EBF2: variants seen among roughly 807,000 people sequenced by gnomAD.
EBF2 encodes transcription factor COE2.
Under a neutral mutation model 72.8 loss-of-function variants are expected in EBF2, and 21 were observed. The ratio of observed to expected loss-of-function variants is 0.29; its 90% confidence interval spans 0.20 to 0.42. The LOEUF (loss-of-function observed/expected upper bound fraction) is 0.42. Ranked by LOEUF, EBF2 falls within the 10% of genes least tolerant of loss-of-function variation. EBF2 has a pLI of 1.00. For missense variants in EBF2, 637 were observed against 731.2 expected, an observed-to-expected ratio of 0.87 and a Z score of 1.49; for synonymous variants, 299 against 274.2, an observed-to-expected ratio of 1.09 and a Z score of -0.89.
At chr8:25,886,456 T>C (rs1802690871) in intron 10 of EBF2, among the ~76,000 whole-genome samples, 1 of 152,226 alleles carries the variant, frequency 6.6e-6, no homozygotes. Flanking sequence ...GTCTATTTTT[T>C]AATCTGACCA....
chr8:26,024,920 A>G (rs1280476715), intron 6 of EBF2, among the ~76,000 whole-genome samples: 1 of 152,218 alleles, frequency 6.6e-6, no homozygotes, highest in Non-Finnish European at 1.5e-5. Context: ...TCTAAGAATT[A>G]TAATATAATT....
intron 10 of EBF2, among the ~76,000 whole-genome samples, chr8:25,873,315 C>G (rs1275802954): frequency 6.6e-6 from 1 of 152,120 alleles, no homozygotes; most frequent in African/African-American, 2.4e-5. Flanking sequence ...TCTAAGACCC[C>G]TTTCAAGCTC....
At chr8:26,000,257 G>A (rs1239279513) in intron 6 of EBF2, among the ~76,000 whole-genome samples, 2 of 152,124 alleles carry the variant, frequency 1.3e-5, no homozygotes, top group Non-Finnish European at 2.9e-5. Flanking sequence ...GGGCACCACA[G>A]TTTGGCTTGC....
rs141698790 is a variant in EBF2 at position 25,888,246 on chromosome 8, C to A, written c.752-274G>T. On this transcript the variant is annotated intron_variant, in intron 8 of 15. Coordinates refer to ENST00000520164, the MANE Select transcript of EBF2 (RefSeq NM_022659.4). ...TCCTTGCATTCAAAGGGCTGGACACCCGTATTTGGTTGAAGCCTAGAATTC... is the reference window on the plus strand; with the variant it reads ...TCCTTGCATTCAAAGGGCTGGACACACGTATTTGGTTGAAGCCTAGAATTC... Among the ~76,000 whole-genome samples, 156 of 152,154 alleles carry A rather than the reference C, an allele frequency of 1.0e-3. 1 individual carries two copies. Among genetic ancestry groups the A allele is most frequent in the Middle Eastern group, 3.4e-3 (1 of 294 alleles).
intron 6 of EBF2, among the ~76,000 whole-genome samples, chr8:25,978,475 G>A (rs1332913782): frequency 6.6e-6 from 1 of 152,224 alleles, no homozygotes; most frequent in African/African-American, 2.4e-5. Flanking sequence ...GGCTGGGAGA[G>A]CGACCGAGAT....
At chr8:25,912,466 G>GCACACGCA (rs1554569535) in intron 6 of EBF2, among the ~76,000 whole-genome samples, 1 of 136,856 alleles carries the variant, frequency 7.3e-6, no homozygotes, top group Admixed American at 7.4e-5. Context: ...TCTAAAAATG[G>GCACACGCA]CACACACACA....
intron 6 of EBF2, among the ~76,000 whole-genome samples, chr8:26,029,231 A>G (rs922614649): frequency 6.6e-6 from 1 of 152,166 alleles, no homozygotes; most frequent in Non-Finnish European, 1.5e-5. Flanking sequence ...CTGCTGGGAT[A>G]TGGTCACATG....
chr8:25,862,799 T>C lies in EBF2; in HGVS notation c.1010-2A>G. ...AGTCTATGGTGGGTTCATTTAATGCTGAAAGAGAAAAGTCCTCTTTCTGAG... is the reference window on the plus strand; with the variant it reads ...AGTCTATGGTGGGTTCATTTAATGCCGAAAGAGAAAAGTCCTCTTTCTGAG... On this transcript the variant is annotated splice_acceptor_variant, in intron 10 of 15. Transcript: ENST00000520164. LOFTEE classifies it high-confidence loss of function. 1 of 1,580,380 alleles carries C rather than the reference T, an allele frequency of 6.3e-7. No homozygotes were observed. Among genetic ancestry groups the C allele is most frequent in the Non-Finnish European group, 8.6e-7 (1 of 1,162,814 alleles).
intron 6 of EBF2, among the ~76,000 whole-genome samples, chr8:26,023,045 T>G (rs894866778): frequency 1.3e-5 from 2 of 152,268 alleles, no homozygotes; most frequent in East Asian, 3.9e-4. Context: ...GTGGATAACT[T>G]CCTTCTCTCC....
At chr8:25,871,305 A>G (rs990143719) in intron 10 of EBF2, among the ~76,000 whole-genome samples, 2 of 152,186 alleles carry the variant, frequency 1.3e-5, no homozygotes, top group African/African-American at 4.8e-5. Context: ...AACTGCCATC[A>G]TCAGTGTTAA....
At chr8:25,938,973 A>T (rs1027519481) in intron 6 of EBF2, among the ~76,000 whole-genome samples, 3 of 152,096 alleles carry the variant, frequency 2.0e-5, no homozygotes, top group Admixed American at 6.5e-5. Flanking sequence ...AGCTTCCCAG[A>T]GACCTGGGAA....
intron 6 of EBF2, among the ~76,000 whole-genome samples, chr8:26,017,534 G>A (rs2117240771): frequency 6.6e-6 from 1 of 152,262 alleles, no homozygotes; most frequent in Non-Finnish European, 1.5e-5. Flanking sequence ...TTGGGTCTGA[G>A]TTCTAGGGCA....
At chr8:26,036,068 C>G (rs1805496674) in intron 5 of EBF2, among the ~76,000 whole-genome samples, 2 of 152,148 alleles carry the variant, frequency 1.3e-5, no homozygotes, top group African/African-American at 4.8e-5. Flanking sequence ...GTCAACCTAA[C>G]CCCAAATATG....
At chr8:25,901,026 T>C (rs947328293) in intron 7 of EBF2, among the ~76,000 whole-genome samples, 9 of 152,158 alleles carry the variant, frequency 5.9e-5, no homozygotes, top group African/African-American at 1.7e-4. Context: ...TGGATGACTA[T>C]GGATACCCTA....
chr8:26,041,250 A>G (rs1385633872), intron 2 of EBF2: 1 of 562,900 alleles, frequency 1.8e-6, no homozygotes, highest in East Asian at 3.0e-5. Flanking sequence ...TGTCCTCAGA[A>G]GTGTGACCCT....
At chr8:25,969,011 TA>T (rs770715767) in intron 6 of EBF2, among the ~76,000 whole-genome samples, 10 of 150,956 alleles carry the variant, frequency 6.6e-5, no homozygotes, top group Admixed American at 1.3e-4. Flanking sequence ...CTTAAAATGG[TA>T]AAAAAAAATT....
At chr8:26,040,241 T>G in intron 4 of EBF2, 140 bp from the exon 5 acceptor site, 1 of 904,480 alleles carries the variant, frequency 1.1e-6, no homozygotes, top group Non-Finnish European at 1.7e-6. Flanking sequence ...CGCAGCACAT[T>G]CTGCGCGGTT....
Position 25,850,773 on chromosome 8 carries a change from A to C in EBF2, c.1529-12T>G. ...ACTTGATGACATGACTGGAAAGCAA[A>C]TGCACAATCCTCATTTAGAAATTAA... On this transcript the variant is annotated splice_polypyrimidine_tract_variant and intron_variant, in intron 14 of 15. Coordinates refer to ENST00000520164, the MANE Select transcript of EBF2 (RefSeq NM_022659.4). 6.4e-7 allele frequency: 1 copy of C among 1,555,058 alleles called. No individual in the cohort carries two copies. Among genetic ancestry groups the C allele is most frequent in the East Asian group, 2.5e-5 (1 of 40,212 alleles).
chr8:25,978,781 G>C (rs773139160), intron 6 of EBF2, among the ~76,000 whole-genome samples: 2 of 152,178 alleles, frequency 1.3e-5, no homozygotes, highest in Non-Finnish European at 2.9e-5. Context: ...CAGTTAATCA[G>C]AAGCAACACA....
Sources: allele counts gnomAD v4.1 joint callset (sites outside exome capture counted in the v4.1 genomes callset), GRCh38; gene constraint gnomAD v4.1.1; transcripts MANE v1.5; gene names NCBI Gene and HGNC (gene_info 2026-07-23, HGNC 2026-07-21).